Variants in CLCN3 observed in about 807,000 individuals in gnomAD.
The protein encoded by CLCN3 is H(+)/Cl(-) exchange transporter 3.
A neutral mutation model predicts 83.4 loss-of-function variants in CLCN3; 16 were observed. The observed-to-expected ratio is 0.19, with a 90% CI of 0.13 to 0.29. The LOEUF (loss-of-function observed/expected upper bound fraction) is 0.29. Among genes scored for constraint, CLCN3 ranks in the 10% least tolerant of loss-of-function variants. The pLI, the probability that CLCN3 is intolerant of heterozygous loss-of-function variation, is 1.00. For missense variants in CLCN3, 544 were observed against 1,006.0 expected (o/e 0.54, Z 6.21); for synonymous variants, 322 against 346.2 (o/e 0.93, Z 0.78).
intron 2 of CLCN3, among the ~76,000 whole-genome samples, chr4:169,648,947 A>C (rs1338843271): frequency 6.6e-6 from 1 of 151,926 alleles, no homozygotes; most frequent in Non-Finnish European, 1.5e-5. Flanking sequence ...GAGTCGCTTG[A>C]ATCCAGGAGG....
intron 11 of CLCN3, among the ~76,000 whole-genome samples, chr4:169,710,480 G>A (rs1039438565): frequency 6.6e-6 from 1 of 152,102 alleles, no homozygotes; most frequent in Non-Finnish European, 1.5e-5. Flanking sequence ...TGCCCAGGCT[G>A]GTTTCAAGCT....
intron 7 of CLCN3, among the ~76,000 whole-genome samples, chr4:169,693,055 G>C (rs1217222786): frequency 6.6e-6 from 1 of 152,090 alleles, no homozygotes; most frequent in Non-Finnish European, 1.5e-5. Context: ...GCCCTAGATG[G>C]TACAGAGATC....
In CLCN3 at chr4:169,690,970, C is replaced by T. The variant is rs573824055; in HGVS notation, c.729+318C>T. On this transcript the variant is annotated intron_variant, in intron 6 of 12. Coordinates refer to ENST00000513761, the MANE Select transcript of CLCN3 (RefSeq NM_001829.4). ...TATCTTGTGACCTAATGTTCTTTGA[C>T]GGGTTAGTTGTTACTTTGCTGTTAT... Among the ~76,000 whole-genome samples, 152 of 151,870 alleles carry T rather than the reference C, an allele frequency of 1.0e-3. 1 individual carries two copies. The highest frequency in any genetic ancestry group is 3.5e-3 in the African/African-American group (145 of 41,448).
intron 2 of CLCN3, among the ~76,000 whole-genome samples, chr4:169,650,101 A>G (rs1316399705): frequency 6.6e-6 from 1 of 152,126 alleles, no homozygotes; most frequent in African/African-American, 2.4e-5. Flanking sequence ...AGAAAAAAAA[A>G]ATGAGTGGTG....
intron 10 of CLCN3, among the ~76,000 whole-genome samples, chr4:169,705,369 T>C (rs1233813941): frequency 6.6e-6 from 1 of 152,176 alleles, no homozygotes; most frequent in East Asian, 1.9e-4. Flanking sequence ...ACAAGAAACC[T>C]GATTAATGTC....
chr4:169,655,453 C>T (rs771630257), intron 2 of CLCN3, among the ~76,000 whole-genome samples: 6 of 151,980 alleles, frequency 3.9e-5, no homozygotes, highest in Non-Finnish European at 8.8e-5. Flanking sequence ...ACAGGTTTGC[C>T]GGTTTTGGTT....
At chr4:169,645,569 T>TTGATGTA (rs1226365826) in intron 2 of CLCN3, among the ~76,000 whole-genome samples, 1 of 152,208 alleles carries the variant, frequency 6.6e-6, no homozygotes, top group Non-Finnish European at 1.5e-5. Flanking sequence ...TAGTTTAAAC[T>TTGATGTA]TGATGTATAA....
At chr4:169,659,057 G>A (rs910995634) in intron 2 of CLCN3, among the ~76,000 whole-genome samples, 14 of 152,070 alleles carry the variant, frequency 9.2e-5, no homozygotes, top group African/African-American at 3.4e-4. Flanking sequence ...CAGTTCGAGT[G>A]GACCTTAGAG....
chr4:169,703,664 C>CTTTTTTTTTTTT (rs112073521), intron 9 of CLCN3, among the ~76,000 whole-genome samples: 1 of 142,376 alleles, frequency 7.0e-6, no homozygotes. Flanking sequence ...GCATATTGTC[C>CTTTTTTTTTTTT]TTTTTTTTTT....
intron 10 of CLCN3, among the ~76,000 whole-genome samples, chr4:169,705,407 A>G (rs1252061600): frequency 6.6e-6 from 1 of 152,230 alleles, no homozygotes; most frequent in African/African-American, 2.4e-5. Context: ...GAAGTTGGTC[A>G]GATTTATGGC....
At chr4:169,638,547 T>C (rs757798746) in intron 2 of CLCN3, among the ~76,000 whole-genome samples, 11 of 152,236 alleles carry the variant, frequency 7.2e-5, no homozygotes, top group Non-Finnish European at 1.5e-4. Flanking sequence ...TATTCATAAT[T>C]TGAAACAGGT....
intron 12 of CLCN3, among the ~76,000 whole-genome samples, chr4:169,715,253 C>T (rs1324443814): frequency 1.3e-5 from 2 of 151,926 alleles, no homozygotes; most frequent in Non-Finnish European, 2.9e-5. Context: ...GTAAAAATAA[C>T]GAAGTGTATA....
At chr4:169,664,257 T>TG (rs1322778928) in intron 2 of CLCN3, among the ~76,000 whole-genome samples, 2 of 152,178 alleles carry the variant, frequency 1.3e-5, no homozygotes, top group East Asian at 1.9e-4. Flanking sequence ...AATAAAAGTT[T>TG]GGGGTCTTAT....
At chr4:169,699,790 G>C in intron 9 of CLCN3, among the ~76,000 whole-genome samples, 1 of 152,128 alleles carries the variant, frequency 6.6e-6, no homozygotes, top group Non-Finnish European at 1.5e-5. Flanking sequence ...GCTGAGGCAA[G>C]AGAATCACTT....
At chr4:169,667,331 G>GGAAAAAGAATAATGAATAATTTT (rs1182167931) in intron 2 of CLCN3, among the ~76,000 whole-genome samples, 3 of 151,408 alleles carry the variant, frequency 2.0e-5, no homozygotes, top group African/African-American at 7.3e-5. Flanking sequence ...TTACTCAGTT[G>GGAAAAAGAATAATGAATAATTTT]GAAAAAGAAT....
At chr4:169,656,864 C>T (rs1730903091) in intron 2 of CLCN3, among the ~76,000 whole-genome samples, 1 of 152,082 alleles carries the variant, frequency 6.6e-6, no homozygotes, top group South Asian at 2.1e-4. Context: ...ATCACTTGAG[C>T]TAGGGGGTCG....
At position 169,671,252 on chromosome 4, in the gene CLCN3, G is replaced by C. The variant is rs563672809; in HGVS notation, c.161-8798G>C. On this transcript the variant is annotated intron_variant, in intron 2 of 12. Coordinates refer to ENST00000513761, the MANE Select transcript of CLCN3 (RefSeq NM_001829.4). ...GAAAATGTGGCACATATATACCATG[G>C]AATACTATGCAGCCATAAAAAAGAA... is the stretch of plus-strand genomic sequence containing the variant. Among the ~76,000 whole-genome samples, 4 of 152,300 alleles carry C rather than the reference G, an allele frequency of 2.6e-5. 1 individual carries two copies. In the South Asian group the frequency reaches 8.3e-4, roughly 32 times the overall value.
chr4:169,662,824 A>G (rs1185457700), intron 2 of CLCN3: 2 of 152,320 alleles, frequency 1.3e-5, no homozygotes, highest in Non-Finnish European at 2.9e-5. Flanking sequence ...AGAAATTAAG[A>G]TGACATTTCA....
Position 169,723,628 on chromosome 4 carries a change from G to A in CLCN3, c.*3631G>A, listed in dbSNP as rs1733703857. On this transcript the variant is annotated 3_prime_UTR_variant, in exon 13 of 13. Transcript: ENST00000513761. The stretch of plus-strand genomic sequence containing the variant: ...GTAAGTAACAACCTTTGATTAAGAT[G>A]TGGTCTTTTACTATTAAGCTTTTAG... The A allele has an allele frequency of 6.6e-6, 1 of 152,166 alleles. No homozygotes were observed. The highest frequency in any genetic ancestry group is 2.1e-4 in the South Asian group (1 of 4,830). 9.4% of individuals were successfully genotyped at this position (152,166 alleles called of 1,614,324 possible). A position where few individuals can be genotyped will look rare whatever the true frequency, so the allele number is the denominator to read the frequency against.
Sources: allele counts gnomAD v4.1 joint callset (sites outside exome capture counted in the v4.1 genomes callset), GRCh38; gene constraint gnomAD v4.1.1; transcripts MANE v1.5; gene names NCBI Gene and HGNC (gene_info 2026-07-23, HGNC 2026-07-21).